Variants in CYBRD1 observed in about 807,000 individuals in gnomAD.
The protein encoded by CYBRD1 is cytochrome b reductase 1, also known as plasma membrane ascorbate-dependent reductase CYBRD1.
In CYBRD1, 14 loss-of-function variants were observed where a neutral mutation model predicts 21.9. The observed-to-expected ratio is 0.64, with a 90% CI of 0.42 to 1.00. The LOEUF (loss-of-function observed/expected upper bound fraction) is 1.00, where lower values mean the gene tolerates loss of function less well. Ranked by LOEUF, CYBRD1 falls within the 50% of genes least tolerant of loss-of-function variation. CYBRD1 has a pLI of 0.00. For missense variants in CYBRD1, 328 were observed against 352.5 expected (o/e 0.93, Z 0.56); for synonymous variants, 146 against 136.5 (o/e 1.07, Z -0.48).
intron 1 of CYBRD1, among the ~76,000 whole-genome samples, chr2:171,532,875 ATGTGTGTGTGTGTGTG>A (rs10618404): frequency 2.7e-5 from 4 of 147,298 alleles, no homozygotes; most frequent in African/African-American, 7.5e-5. Context: ...CCATTTCACG[ATGTGTGTGTGTGTGTG>A]TGTGTGTGTG....
At chr2:171,553,852 C>T (rs1334129167) in intron 3 of CYBRD1, among the ~76,000 whole-genome samples, 2 of 151,996 alleles carry the variant, frequency 1.3e-5, no homozygotes, top group Non-Finnish European at 2.9e-5. Flanking sequence ...GGAGGGTGTC[C>T]AGGTTCTTGG....
At position 171,554,904 on chromosome 2, in the gene CYBRD1, T is replaced by C; in HGVS notation, c.*77T>C. 1.4e-6 allele frequency: 2 copies of C among 1,433,008 alleles called. No individual in the cohort carries two copies. The highest frequency in any genetic ancestry group is 2.8e-5 in the African/African-American group (2 of 70,438). The allele number at this position is 1,433,008 out of a possible 1,614,324, so 88.8% of individuals were successfully genotyped here. A position where few individuals can be genotyped will look rare whatever the true frequency, so the allele number is the denominator to read the frequency against. The stretch of plus-strand genomic sequence containing the variant: ...AGTTTTGCTTCTCCTATTAGCCATA[T>C]GATAATTGGGCTATGTAGTATCAAT... On this transcript the variant is annotated 3_prime_UTR_variant, in exon 4 of 4. Coordinates refer to ENST00000321348, the MANE Select transcript of CYBRD1 (RefSeq NM_024843.4).
intron 1 of CYBRD1, chr2:171,541,025 A>G (rs191454651): frequency 8.6e-4 from 140 of 163,694 alleles, no homozygotes; most frequent in South Asian, 6.1e-3. Context: ...CAGCCTCTCA[A>G]AGTGCTGGGA....
At chr2:171,547,407 C>T (rs1697732552) in intron 2 of CYBRD1, among the ~76,000 whole-genome samples, 1 of 147,440 alleles carries the variant, frequency 6.8e-6, no homozygotes, top group East Asian at 2.0e-4. Flanking sequence ...TGGACAGGGG[C>T]AAGAGTCCAA....
intron 1 of CYBRD1, among the ~76,000 whole-genome samples, chr2:171,526,272 A>G (rs993709187): frequency 6.6e-6 from 1 of 152,082 alleles, no homozygotes; most frequent in Non-Finnish European, 1.5e-5. Context: ...GTCTCGAAAA[A>G]AAAAGAGGGA....
chr2:171,523,230 G>T (rs1316923399), intron 1 of CYBRD1: 2 of 400,394 alleles, frequency 5.0e-6, no homozygotes, highest in South Asian at 3.8e-5. Flanking sequence ...TTGCTTCCAG[G>T]CTGCAGATGA....
chr2:171,552,087 A>G (rs1290787785), intron 2 of CYBRD1, among the ~76,000 whole-genome samples: 1 of 152,218 alleles, frequency 6.6e-6, no homozygotes, highest in Non-Finnish European at 1.5e-5. Flanking sequence ...CCTATAGACC[A>G]TAAGCAGACT....
chr2:171,541,815 C>A (rs373448887), intron 2 of CYBRD1, 22 bp downstream of exon 2: 59 of 1,527,778 alleles, frequency 3.9e-5, no homozygotes, highest in African/African-American at 3.7e-4. Flanking sequence ...AGTGTATTTA[C>A]AAGCAAGTTA....
intron 1 of CYBRD1, among the ~76,000 whole-genome samples, chr2:171,524,337 C>T (rs1697354721): frequency 1.3e-5 from 2 of 152,198 alleles, no homozygotes; most frequent in East Asian, 1.9e-4. Flanking sequence ...CTCTTTCCTT[C>T]GTGGTGGAGC....
chr2:171,546,370 A>G (rs1697714833), intron 2 of CYBRD1, among the ~76,000 whole-genome samples: 1 of 152,248 alleles, frequency 6.6e-6, no homozygotes, highest in South Asian at 2.1e-4. Context: ...GCACACTGGT[A>G]TAACACAAAC....
chr2:171,551,574 A>T (rs1471806458), intron 2 of CYBRD1, among the ~76,000 whole-genome samples: 1 of 152,204 alleles, frequency 6.6e-6, no homozygotes, highest in Non-Finnish European at 1.5e-5. Flanking sequence ...AATGCATCAA[A>T]TTCCACCAAA....
chr2:171,545,684 C>T lies in CYBRD1; in HGVS notation c.402+3891C>T, dbSNP rs185129946. On this transcript the variant is annotated intron_variant, in intron 2 of 3. Transcript: ENST00000321348. ...GATTACAGGTGTGAACCATCACGTC[C>T]GGCCAATGTTTATTTATTTTTTAAT... is the stretch of plus-strand genomic sequence containing the variant. Among the ~76,000 whole-genome samples the T allele has an allele frequency of 1.1e-3, 172 of 151,580 alleles. 1 individual carries two copies. The highest frequency in any genetic ancestry group is 4.0e-3 in the African/African-American group (165 of 41,364).
At chr2:171,546,254 T>C (rs553000210) in intron 2 of CYBRD1, among the ~76,000 whole-genome samples, 2 of 152,210 alleles carry the variant, frequency 1.3e-5, no homozygotes, top group Non-Finnish European at 2.9e-5. Context: ...ACCAAGTTAC[T>C]TCTCTGAATT....
Position 171,555,387 on chromosome 2 carries a change from G to T in CYBRD1, c.*560G>T. 6.3e-6 allele frequency: 1 copy of T among 158,618 alleles called. No homozygotes were observed. The highest frequency in any genetic ancestry group is 6.1e-5 in the Admixed American group (1 of 16,320). 9.8% of individuals were successfully genotyped at this position (158,618 alleles called of 1,614,324 possible). ...CCTGCCTTCTGCTCCCTCCCCAGCT[G>T]GTTTGGGCTCAAATTGTCCCTGGAG... On this transcript the variant is annotated 3_prime_UTR_variant, in exon 4 of 4. Transcript: ENST00000321348.
In CYBRD1 at chr2:171,541,700, C is replaced by G. The variant is rs141691061; in HGVS notation, c.309C>G (p.Ala103=). 1 of 1,613,392 alleles carries G rather than the reference C, an allele frequency of 6.2e-7. No individual in the cohort carries two copies. The highest frequency in any genetic ancestry group is 8.5e-7 in the Non-Finnish European group (1 of 1,179,942). The change falls in exon 2 of 4, where the codon GCC becomes GCG. Residue 103 remains alanine, a synonymous_variant. Coordinates refer to ENST00000321348, the MANE Select transcript of CYBRD1 (RefSeq NM_024843.4). ...AAILAIISVV[A]VFENHNVNNI... ...TTCTTGCAATTATCTCTGTGGTGGC[C>G]GTGTTTGAGAACCACAATGTTAACA... is the stretch of plus-strand genomic sequence containing the variant.
At chr2:171,544,831 TAGAG>T (rs891487391) in intron 2 of CYBRD1, among the ~76,000 whole-genome samples, 2 of 152,008 alleles carry the variant, frequency 1.3e-5, no homozygotes, top group African/African-American at 2.4e-5. Context: ...AGTAGAGAAG[TAGAG>T]AGAAAAATCT....
chr2:171,522,388 C>T, upstream of CYBRD1: 1 of 1,496,394 alleles, frequency 6.7e-7, no homozygotes, highest in South Asian at 1.3e-5. This position sits in a 1 kb window ranked among gnomAD's most constrained non-coding sequence, Gnocchi z 4.3. Context: ...CCCAAGAGGC[C>T]CCACATTCCG....
chr2:171,525,887 C>CG (rs1367306558), intron 1 of CYBRD1, among the ~76,000 whole-genome samples: 1 of 134,902 alleles, frequency 7.4e-6, no homozygotes, highest in African/African-American at 2.8e-5. Context: ...ACGGAGGTTG[C>CG]GGTGAGTCGA....
Position 171,523,160 on chromosome 2 carries a change from T to A in CYBRD1, c.193+422T>A, listed in dbSNP as rs934894266. 2.0e-5 allele frequency: 7 copies of A among 342,084 alleles called. No individual in the cohort carries two copies. In the Admixed American group the frequency reaches 2.2e-4, roughly 11 times the overall value. The allele number at this position is 342,084 out of a possible 1,614,324, so 21.2% of individuals were successfully genotyped here. ...CACGCGCCCCGGAAAGTCGCCCCTG[T>A]GGACCGAGCCTGCGCGATCGGGGGC... is the stretch of plus-strand genomic sequence containing the variant. On this transcript the variant is annotated intron_variant, in intron 1 of 3. Coordinates refer to ENST00000321348, the MANE Select transcript of CYBRD1 (RefSeq NM_024843.4).
Sources: gnomAD v4.1 joint callset for allele counts (sites outside exome capture counted in the v4.1 genomes callset) on GRCh38, gnomAD v4.1.1 for gene constraint, Gnocchi (gnomAD v3.1) non-coding constraint, MANE v1.5 for transcripts, NCBI Gene and HGNC (gene_info 2026-07-23, HGNC 2026-07-21) for gene names.